The following PFKFB3 variants were observed in gnomAD, a reference collection of about 807,000 sequenced individuals.
PFKFB3 encodes 6-phosphofructo-2-kinase/fructose-2,6-biphosphatase 3, also known as 6-phosphofructo-2-kinase/fructose-2,6-bisphosphatase 3.
A neutral mutation model predicts 68.0 loss-of-function variants in PFKFB3; 33 were observed. That is an observed-to-expected ratio of 0.49 (90% CI 0.37 to 0.65). The LOEUF (loss-of-function observed/expected upper bound fraction) is 0.65, where lower values mean the gene tolerates loss of function less well. Among genes scored for constraint, PFKFB3 ranks in the 30% least tolerant of loss-of-function variants. The pLI is 0.00. For synonymous variants in PFKFB3, 315 were observed against 288.2 expected (o/e 1.09, Z -0.94); for missense variants, 586 against 712.2 (o/e 0.82, Z 2.02).
the PFKFB3 span, among the ~76,000 whole-genome samples, chr10:6,286,045 T>C: frequency 6.8e-6 from 1 of 148,056 alleles, no homozygotes; most frequent in Admixed American, 6.8e-5. Flanking sequence ...TGGTGTGATC[T>C]TGGCTCACTG....
rs562099190 is a variant in PFKFB3, at chr10:6,241,109, G to A, written c.1516-13069G>A. Among the ~76,000 whole-genome samples the A allele has an allele frequency of 2.0e-5, 3 of 152,188 alleles. No homozygotes were observed. The South Asian group carries it at 6.2e-4, about 32-fold the overall frequency. On this transcript the variant is annotated intron_variant, in intron 14 of 14. Transcript: ENST00000640683. The stretch of plus-strand genomic sequence containing the variant: ...TTTAGTAGAGACGGGGTTTCTCCAT[G>A]TTGGCCAGGCTGGTCTCGAACTCCT...
chr10:6,196,284 C>T (rs1340283627), intron 1 of PFKFB3, among the ~76,000 whole-genome samples: 1 of 152,136 alleles, frequency 6.6e-6, no homozygotes, highest in Non-Finnish European at 1.5e-5. Context: ...GCGCCTGCTA[C>T]CACACCCGGC....
the PFKFB3 span, among the ~76,000 whole-genome samples, chr10:6,297,848 C>A: frequency 6.6e-6 from 1 of 152,196 alleles, no homozygotes; most frequent in African/African-American, 2.4e-5. Flanking sequence ...CTCCACACAT[C>A]TCTAGTCTTG....
chr10:6,255,847 GAGACGT>G (rs1346106336), downstream of PFKFB3, among the ~76,000 whole-genome samples: 1 of 152,204 alleles, frequency 6.6e-6, no homozygotes, highest in African/African-American at 2.4e-5. Context: ...CCGTGTGCGG[GAGACGT>G]GTCACAGCAG....
At chr10:6,183,061 T>G (rs922096853) in intron 1 of PFKFB3, among the ~76,000 whole-genome samples, 2 of 152,274 alleles carry the variant, frequency 1.3e-5, no homozygotes, top group East Asian at 3.9e-4. Context: ...CCTAGGAGAC[T>G]TGGTCCTTCT....
chr10:6,279,612 C>T, the PFKFB3 span, among the ~76,000 whole-genome samples: 2 of 152,058 alleles, frequency 1.3e-5, no homozygotes, highest in Admixed American at 6.6e-5. Flanking sequence ...AATGTCTCTC[C>T]GTCTCTCCGG....
Position 6,215,077 on chromosome 10 carries a change from G to A in PFKFB3, c.203-144G>A, listed in dbSNP as rs1844471755. 9.0e-6 allele frequency: 6 copies of A among 665,272 alleles called. No individual in the cohort carries two copies. The highest frequency in any genetic ancestry group is 1.3e-5 in the Non-Finnish European group (5 of 374,680). 41.2% of individuals were successfully genotyped at this position (665,272 alleles called of 1,614,324 possible). ...GGAGTTGAGGGTAGCGTAGGACTGG[G>A]CGCCGGCATTGCTTCCACACCATCT... On this transcript the variant is annotated intron_variant, in intron 2 of 14. Coordinates refer to ENST00000379775, the MANE Select transcript of PFKFB3 (RefSeq NM_004566.4). This position sits in a 1 kb window ranked among gnomAD's most constrained non-coding sequence, Gnocchi z 4.3.
chr10:6,254,391 C>G, exon 15 of PFKFB3: 1 of 398,494 alleles, frequency 2.5e-6, no homozygotes, highest in Non-Finnish European at 4.4e-6. Flanking sequence ...TGAAAGAGAC[C>G]AATTAACCTG....
the PFKFB3 span, among the ~76,000 whole-genome samples, chr10:6,281,323 C>A: frequency 6.6e-6 from 1 of 151,620 alleles, no homozygotes; most frequent in Non-Finnish European, 1.5e-5. Context: ...CAACAGCCAG[C>A]CTGACTCAGT....
intron 14 of PFKFB3, among the ~76,000 whole-genome samples, chr10:6,246,007 G>A (rs1272181624): frequency 2.0e-5 from 3 of 152,108 alleles, no homozygotes; most frequent in Admixed American, 6.5e-5. Flanking sequence ...CCTGAAAGCC[G>A]CCTCCTCTTC....
At chr10:6,160,142 T>C (rs1841931104) in intron 1 of PFKFB3, among the ~76,000 whole-genome samples, 1 of 152,230 alleles carries the variant, frequency 6.6e-6, no homozygotes, top group African/African-American at 2.4e-5. Flanking sequence ...ACTATGTATT[T>C]TTACAAGATT....
chr10:6,310,457 T>C, the PFKFB3 span, among the ~76,000 whole-genome samples: 1 of 150,372 alleles, frequency 6.7e-6, no homozygotes, highest in African/African-American at 2.4e-5. Flanking sequence ...GTTTAAGTCA[T>C]TAAAAAGATA....
intron 1 of PFKFB3, chr10:6,145,039 C>A: frequency 7.6e-7 from 1 of 1,317,786 alleles, no homozygotes; most frequent in Non-Finnish European, 9.7e-7. Flanking sequence ...ACGCGGCCCA[C>A]GCCCCCAGCG....
chr10:6,289,154 T>C, the PFKFB3 span, among the ~76,000 whole-genome samples: 1 of 137,328 alleles, frequency 7.3e-6, no homozygotes, highest in Non-Finnish European at 1.6e-5. Context: ...TTTTGTAGGT[T>C]GCCTGTTCAC....
the PFKFB3 span, among the ~76,000 whole-genome samples, chr10:6,280,643 T>G: frequency 6.6e-6 from 1 of 152,300 alleles, no homozygotes; most frequent in East Asian, 1.9e-4. Flanking sequence ...CTTCTCCATC[T>G]GCTTGCTGAA....
At chr10:6,160,453 C>T (rs1048803863) in intron 1 of PFKFB3, among the ~76,000 whole-genome samples, 2 of 152,166 alleles carry the variant, frequency 1.3e-5, no homozygotes, top group African/African-American at 4.8e-5. Flanking sequence ...TGCGGTGGCT[C>T]ACGCCTGTAA....
chr10:6,214,895 C>A (rs944233233), intron 2 of PFKFB3, among the ~76,000 whole-genome samples: 2 of 152,216 alleles, frequency 1.3e-5, no homozygotes, highest in African/African-American at 4.8e-5. Context: ...AGACTTGGGG[C>A]CTCCCCCCAC....
chr10:6,192,185 G>T, intron 1 of PFKFB3, among the ~76,000 whole-genome samples: 1 of 83,076 alleles, frequency 1.2e-5, no homozygotes, highest in East Asian at 3.9e-4. Flanking sequence ...CACACACACA[G>T]CTTTCTGAGG....
intron 5 of PFKFB3, 63 bp downstream of exon 5, chr10:6,216,843 G>C: frequency 8.3e-7 from 1 of 1,198,792 alleles, no homozygotes; most frequent in Non-Finnish European, 1.2e-6. Context: ...TTCAGGAAGC[G>C]GCCTGAGTCC....
Sources: allele counts gnomAD v4.1 joint callset (sites outside exome capture counted in the v4.1 genomes callset), GRCh38; gene constraint gnomAD v4.1.1; non-coding constraint Gnocchi (gnomAD v3.1); transcripts MANE v1.5; gene names NCBI Gene and HGNC (gene_info 2026-07-23, HGNC 2026-07-21).